The following ADAMTS2 variants were observed in gnomAD, a reference collection of about 807,000 sequenced individuals.
The protein encoded by ADAMTS2 is A disintegrin and metalloproteinase with thrombospondin motifs 2.
A neutral mutation model predicts 123.0 loss-of-function variants in ADAMTS2; 50 were observed. That is an observed-to-expected ratio of 0.41 (90% CI 0.32 to 0.51). The LOEUF is 0.51. Ranked by LOEUF, ADAMTS2 falls within the 20% of genes least tolerant of loss-of-function variation. ADAMTS2 has a pLI of 0.35. For missense variants in ADAMTS2, 1,494 were observed against 1,705.2 expected (o/e 0.88, Z 2.18); for synonymous variants, 678 against 695.4 (o/e 0.98, Z 0.39).
rs559456370 is a variant in ADAMTS2, at chr5:179,166,419, C to T, written c.976-7540G>A. On this transcript the variant is annotated intron_variant, in intron 5 of 21. Coordinates refer to ENST00000251582, the MANE Select transcript of ADAMTS2 (RefSeq NM_014244.5). ...GGAGGCAAGAGCTTGATGGCCCTCA[C>T]CTTGGGTCAGAAGGTCACTTTGCTG... Among the ~76,000 whole-genome samples, 25 of 152,322 alleles carry T rather than the reference C, an allele frequency of 1.6e-4. No individual in the cohort carries two copies. The South Asian group carries it at 4.8e-3, about 29-fold the overall frequency.
At chr5:179,156,729 T>C (rs192107293) in intron 6 of ADAMTS2, among the ~76,000 whole-genome samples, 6 of 152,320 alleles carry the variant, frequency 3.9e-5, no homozygotes, top group Non-Finnish European at 8.8e-5. Context: ...TCTCTAATTT[T>C]TCATAGAAAA....
chr5:179,149,034 C>T (rs1030635217), intron 10 of ADAMTS2, among the ~76,000 whole-genome samples: 2 of 152,142 alleles, frequency 1.3e-5, no homozygotes, highest in Admixed American at 1.3e-4. Context: ...GGGGAACAAC[C>T]CAGAGAAATG....
rs1039101857 is a variant in ADAMTS2 at position 179,128,206 on chromosome 5, C to A, written c.2458-88G>T. On this transcript the variant is annotated intron_variant, in intron 16 of 21. Coordinates refer to ENST00000251582, the MANE Select transcript of ADAMTS2 (RefSeq NM_014244.5). This position sits in a 1 kb window ranked among gnomAD's most constrained non-coding sequence, Gnocchi z 4.9. ...TTAGGAACGGCAGCTGAGGCCGACT[C>A]CAGAGGAGTCTCATCATTCATGGCA... is the stretch of plus-strand genomic sequence containing the variant. 4.6e-6 allele frequency: 7 copies of A among 1,511,728 alleles called. No homozygotes were observed. Among genetic ancestry groups the A allele is most frequent in the Non-Finnish European group, 6.3e-6 (7 of 1,105,634 alleles). 93.6% of individuals were successfully genotyped at this position (1,511,728 alleles called of 1,614,324 possible).
intron 2 of ADAMTS2, among the ~76,000 whole-genome samples, chr5:179,283,286 GGC>G (rs1221232975): frequency 1.3e-5 from 2 of 151,830 alleles, no homozygotes; most frequent in Non-Finnish European, 1.5e-5. Flanking sequence ...AATGGGGGCA[GGC>G]AAAAAATTGC....
At chr5:179,209,793 C>G (rs1282450555) in intron 3 of ADAMTS2, among the ~76,000 whole-genome samples, 1 of 152,176 alleles carries the variant, frequency 6.6e-6, no homozygotes, top group East Asian at 1.9e-4. Context: ...AATCGCCACT[C>G]TATTTTTGTA....
At position 179,134,254 on chromosome 5, in the gene ADAMTS2, C is replaced by G. The variant is rs10464083; in HGVS notation, c.2086-1354G>C. Among the ~76,000 whole-genome samples the G allele has an allele frequency of 0.017, 2,616 of 152,118 alleles. 176 individuals carry two copies. In the East Asian group the frequency reaches 0.22, roughly 13 times the overall value. On this transcript the variant is annotated intron_variant, in intron 13 of 21. Transcript: ENST00000251582. ...AATCTTCCTGTCTGGGGAGAGACTA[C>G]ACCTCCCAGGGGTATCCAGTTCTAA...
chr5:179,162,890 C>T lies in ADAMTS2; in HGVS notation c.976-4011G>A, dbSNP rs1163430713. 2.6e-5 allele frequency among the ~76,000 whole-genome samples: 4 copies of T among 152,196 alleles called. No individual in the cohort carries two copies. In the East Asian group the frequency reaches 7.7e-4, roughly 29 times the overall value. On this transcript the variant is annotated intron_variant, in intron 5 of 21. Coordinates refer to ENST00000251582, the MANE Select transcript of ADAMTS2 (RefSeq NM_014244.5). The surrounding 1 kb of genome is among the most constrained non-coding windows in gnomAD (Gnocchi z 5.1). Reference sequence around the variant, plus strand: ...CTCCTTTGGGGGACCACAGGGACCCCAGTCAGGACACTCGCTGGCCCATGA... The same window carrying T: ...CTCCTTTGGGGGACCACAGGGACCCTAGTCAGGACACTCGCTGGCCCATGA...
At chr5:179,250,797 T>G (rs1351595972) in intron 3 of ADAMTS2, among the ~76,000 whole-genome samples, 2 of 152,234 alleles carry the variant, frequency 1.3e-5, no homozygotes, top group Non-Finnish European at 2.9e-5. Context: ...GAAACCTGGC[T>G]GATGGGAGGC....
chr5:179,265,861 C>T (rs1385038062), intron 3 of ADAMTS2, among the ~76,000 whole-genome samples: 1 of 152,258 alleles, frequency 6.6e-6, no homozygotes, highest in African/African-American at 2.4e-5. Flanking sequence ...ATCAGTGCTT[C>T]TCCCTGGGTT....
intron 11 of ADAMTS2, 54 bp from the exon 12 acceptor site, chr5:179,137,998 C>A: frequency 1.3e-6 from 2 of 1,532,242 alleles, no homozygotes; most frequent in South Asian, 2.4e-5. Flanking sequence ...AGAGGCAGCA[C>A]CCGGGTGCCC....
intron 10 of ADAMTS2, among the ~76,000 whole-genome samples, chr5:179,150,629 G>T (rs1763337085): frequency 6.6e-6 from 1 of 152,202 alleles, no homozygotes; most frequent in African/African-American, 2.4e-5. Context: ...ACACAGGATG[G>T]CCCTTGGAAA....
At chr5:179,174,423 C>T (rs1763889786) in intron 5 of ADAMTS2, among the ~76,000 whole-genome samples, 1 of 152,144 alleles carries the variant, frequency 6.6e-6, no homozygotes, top group Non-Finnish European at 1.5e-5. Flanking sequence ...CCATATTCCC[C>T]TTTACAATTC....
intron 2 of ADAMTS2, among the ~76,000 whole-genome samples, chr5:179,280,026 TTGGAGCTATGGC>T (rs927824157): frequency 4.6e-5 from 7 of 152,224 alleles, no homozygotes; most frequent in African/African-American, 2.4e-5. Context: ...GGGCTCTGTC[TTGGAGCTATGGC>T]TGGAGCTGGG....
At chr5:179,163,580 C>A (rs896899002) in intron 5 of ADAMTS2, among the ~76,000 whole-genome samples, 4 of 152,184 alleles carry the variant, frequency 2.6e-5, no homozygotes, top group Admixed American at 2.6e-4. Flanking sequence ...GGAATAAGAG[C>A]CCTGCAGTGG....
rs200073267 is a variant in ADAMTS2 at position 179,129,952 on chromosome 5, G to C, written c.2437C>G (p.His813Asp). 6.2e-7 allele frequency: 1 copy of C among 1,613,856 alleles called. No homozygotes were observed. Among genetic ancestry groups the C allele is most frequent in the East Asian group, 2.2e-5 (1 of 44,892 alleles). Reference protein sequence around the residue: ...RETLQTMGPLHGTITVLVIPV... With the variant: ...RETLQTMGPLDGTITVLVIPV... ...CTCACCAGAACGGTGATGGTGCCGT[G>C]GAGGGGGCCCATGGTCTGCAGCGTC... Residue 813 changes from histidine (H) to aspartate (D), a missense_variant, in exon 16 of 22, where the codon CAC becomes GAC. Transcript: ENST00000251582. The surrounding 1 kb of genome is among the most constrained non-coding windows in gnomAD (Gnocchi z 4.1).
intron 3 of ADAMTS2, among the ~76,000 whole-genome samples, chr5:179,259,644 G>A (rs35870414): frequency 0.3 from 45,631 of 152,236 alleles, 7,800 homozygotes; most frequent in Non-Finnish European, 0.36. Flanking sequence ...AGTCACAGGG[G>A]CACATTCCTG....
rs1012941584 is a variant in ADAMTS2 at position 179,225,857 on chromosome 5, G to A, written c.689-18142C>T. The stretch of plus-strand genomic sequence containing the variant: ...CTTCCAGGACATCAAGGAAGAACCC[G>A]AGATACAGAAAGCCCTCTGTCCTTG... On this transcript the variant is annotated intron_variant, in intron 3 of 21. Transcript: ENST00000251582. This position sits in a 1 kb window ranked among gnomAD's most constrained non-coding sequence, Gnocchi z 4.5. 3.3e-5 allele frequency among the ~76,000 whole-genome samples: 5 copies of A among 152,188 alleles called. No individual in the cohort carries two copies. The highest frequency in any genetic ancestry group is 1.9e-4 in the East Asian group (1 of 5,188).
intron 8 of ADAMTS2, 98 bp downstream of exon 8, chr5:179,153,951 T>C: frequency 1.3e-6 from 2 of 1,486,030 alleles, no homozygotes; most frequent in South Asian, 2.4e-5. Context: ...GGACCTGAGG[T>C]CGGAGGGCTC....
At chr5:179,207,108 G>A (rs1239441984) in intron 4 of ADAMTS2, among the ~76,000 whole-genome samples, 1 of 152,094 alleles carries the variant, frequency 6.6e-6, no homozygotes, top group Non-Finnish European at 1.5e-5. Context: ...GTCACTTTAT[G>A]TCTTACTATT....
Sources: allele counts gnomAD v4.1 joint callset (sites outside exome capture counted in the v4.1 genomes callset), GRCh38; gene constraint gnomAD v4.1.1; non-coding constraint Gnocchi (gnomAD v3.1); transcripts MANE v1.5; gene names NCBI Gene and HGNC (gene_info 2026-07-23, HGNC 2026-07-21).